Variants in FHOD3 observed in about 807,000 individuals in gnomAD.
FHOD3 encodes FH1/FH2 domain-containing protein 3.
Under a neutral mutation model 173.0 loss-of-function variants are expected in FHOD3, and 90 were observed. That is an observed-to-expected ratio of 0.52 (90% CI 0.44 to 0.62). The LOEUF (loss-of-function observed/expected upper bound fraction) is 0.62. Among genes scored for constraint, FHOD3 ranks in the 20% least tolerant of loss-of-function variants. The pLI is 0.00. For synonymous variants in FHOD3, 828 were observed against 823.0 expected, an observed-to-expected ratio of 1.01 and a Z score of -0.10; for missense variants, 1,945 against 2,034.7, an observed-to-expected ratio of 0.96 and a Z score of 0.85.
chr18:36,448,694 TG>T (rs1346819187), intron 3 of FHOD3, among the ~76,000 whole-genome samples: 1 of 150,266 alleles, frequency 6.7e-6, no homozygotes, highest in Non-Finnish European at 1.5e-5. Flanking sequence ...TGCTTCTTGC[TG>T]GGCCAGTGAG....
At chr18:36,504,163 C>G (rs1478882456) in intron 4 of FHOD3, among the ~76,000 whole-genome samples, 1 of 152,176 alleles carries the variant, frequency 6.6e-6, no homozygotes, top group East Asian at 1.9e-4. Flanking sequence ...TCAGGTGATT[C>G]ACCCACCCAG....
intron 3 of FHOD3, among the ~76,000 whole-genome samples, chr18:36,465,958 T>G (rs2052896354): frequency 6.6e-6 from 1 of 152,176 alleles, no homozygotes; most frequent in African/African-American, 2.4e-5. Flanking sequence ...TTCTAAAGCA[T>G]AAAATTGGAG....
At chr18:36,403,056 T>C (rs2031485866) in intron 3 of FHOD3, among the ~76,000 whole-genome samples, 1 of 152,156 alleles carries the variant, frequency 6.6e-6, no homozygotes. Context: ...GAGGGGGCCA[T>C]GAGGGTGCAG....
intron 3 of FHOD3, among the ~76,000 whole-genome samples, chr18:36,494,303 A>T (rs568154116): frequency 2.0e-5 from 3 of 152,334 alleles, no homozygotes; most frequent in African/African-American, 7.2e-5. Context: ...ATTACAAGCT[A>T]GTTTACAGCA....
At position 36,588,236 on chromosome 18, in the gene FHOD3, G is replaced by A. The variant is rs28517637; in HGVS notation, c.607-6551G>A. On this transcript the variant is annotated intron_variant, in intron 6 of 28. Transcript: ENST00000590592. Reference sequence around the variant, plus strand: ...GATAACCAGTTACGAAGGCTTTAGGGCACACTCTGAGCTGCTTGCTCAGAA... The same window carrying A: ...GATAACCAGTTACGAAGGCTTTAGGACACACTCTGAGCTGCTTGCTCAGAA... 2.8e-3 allele frequency among the ~76,000 whole-genome samples: 420 copies of A among 152,308 alleles called. 3 individuals carry two copies. Among genetic ancestry groups the A allele is most frequent in the African/African-American group, 9.9e-3 (413 of 41,564 alleles).
At chr18:36,351,962 G>C (rs998491891) in intron 1 of FHOD3, among the ~76,000 whole-genome samples, 1 of 152,116 alleles carries the variant, frequency 6.6e-6, no homozygotes, top group Non-Finnish European at 1.5e-5. Flanking sequence ...CCTGGGTAAG[G>C]GTCTGTCAGT....
intron 10 of FHOD3, among the ~76,000 whole-genome samples, chr18:36,634,124 C>T (rs749670842): frequency 1.3e-5 from 2 of 152,154 alleles, no homozygotes; most frequent in Non-Finnish European, 2.9e-5. Context: ...TGGCTCATAA[C>T]TGATGCATAC....
At chr18:36,477,486 CCCATCCAT>C (rs1197297465) in intron 3 of FHOD3, among the ~76,000 whole-genome samples, 24 of 125,634 alleles carry the variant, frequency 1.9e-4, no homozygotes, top group East Asian at 5.0e-4. Flanking sequence ...CACTCACCCA[CCCATCCAT>C]CCATCCATCC....
intron 2 of FHOD3, among the ~76,000 whole-genome samples, chr18:36,368,632 A>G (rs1490921727): frequency 6.6e-6 from 1 of 152,152 alleles, no homozygotes; most frequent in Non-Finnish European, 1.5e-5. Context: ...CCATTTTCAC[A>G]CTGCTATAAA....
intron 4 of FHOD3, among the ~76,000 whole-genome samples, chr18:36,511,755 T>G (rs1376876783): frequency 6.6e-6 from 1 of 152,194 alleles, no homozygotes; most frequent in East Asian, 1.9e-4. Context: ...TGGAGACTTC[T>G]GTCTGAGAAC....
chr18:36,609,891 T>A (rs1221717367), intron 8 of FHOD3, among the ~76,000 whole-genome samples: 1 of 152,194 alleles, frequency 6.6e-6, no homozygotes, highest in Admixed American at 6.5e-5. Context: ...GAGTTACAGG[T>A]ATGAGCCACT....
rs556242281 is a variant in FHOD3, at chr18:36,541,229, G to A, written c.511+28686G>A. 7.4e-5 allele frequency among the ~76,000 whole-genome samples: 9 copies of A among 121,126 alleles called. No homozygotes were observed. The South Asian group carries it at 8.2e-4, about 11-fold the overall frequency. 79.5% of individuals were successfully genotyped at this position (121,126 alleles called of 152,430 possible). ...TCGCACCACTGCACTCCAGCCTAGCGACAGAGCGAGACTCTGTCTCAAAAA... is the reference window on the plus strand; with the variant it reads ...TCGCACCACTGCACTCCAGCCTAGCAACAGAGCGAGACTCTGTCTCAAAAA... On this transcript the variant is annotated intron_variant, in intron 5 of 28. Transcript: ENST00000590592.
At chr18:36,699,935 C>A (rs2039489488) in intron 17 of FHOD3, among the ~76,000 whole-genome samples, 1 of 152,166 alleles carries the variant, frequency 6.6e-6, no homozygotes, top group African/African-American at 2.4e-5. Context: ...GGATCCATCC[C>A]CCTCTGGATG....
Position 36,701,036 on chromosome 18 carries a change from C to T in FHOD3, c.2236+7613C>T, listed in dbSNP as rs561484186. Among the ~76,000 whole-genome samples, 15 of 152,344 alleles carry T rather than the reference C, an allele frequency of 9.8e-5. No homozygotes were observed. In the South Asian group the frequency reaches 1.7e-3, roughly 17 times the overall value. ...ATAAGTTGCTCCTCCCAAGCATCTA[C>T]GTGTGCCTCGGGCAGGGCACGTGCC... On this transcript the variant is annotated intron_variant, in intron 17 of 28. Transcript: ENST00000590592.
At chr18:36,368,499 G>C (rs559116636) in intron 2 of FHOD3, among the ~76,000 whole-genome samples, 52 of 152,282 alleles carry the variant, frequency 3.4e-4, no homozygotes, top group Middle Eastern at 3.4e-3. Flanking sequence ...GGGTCAGACT[G>C]CCTGGGTTGA....
intron 3 of FHOD3, among the ~76,000 whole-genome samples, chr18:36,374,516 A>G (rs187450934): frequency 6.6e-6 from 1 of 152,366 alleles, no homozygotes; most frequent in Admixed American, 6.5e-5. Context: ...AAAGTTCACT[A>G]TTTTGGAAAA....
At chr18:36,664,692 C>T (rs965843925) in intron 14 of FHOD3, among the ~76,000 whole-genome samples, 3 of 151,344 alleles carry the variant, frequency 2.0e-5, no homozygotes, top group African/African-American at 7.3e-5. Context: ...CCATCTTTGC[C>T]ATGGTTTCCA....
chr18:36,645,526 C>T (rs2035620100), intron 10 of FHOD3, among the ~76,000 whole-genome samples: 1 of 152,168 alleles, frequency 6.6e-6, no homozygotes, highest in African/African-American at 2.4e-5. Context: ...GCTAGAGGCA[C>T]CCCGAGTCCA....
At chr18:36,598,905 G>A (rs945298227) in intron 7 of FHOD3, among the ~76,000 whole-genome samples, 6 of 152,146 alleles carry the variant, frequency 3.9e-5, no homozygotes, top group African/African-American at 1.2e-4. Context: ...TTTTGCTCAG[G>A]GCCTGAGATA....
Sources: allele counts gnomAD v4.1 joint callset (sites outside exome capture counted in the v4.1 genomes callset), GRCh38; gene constraint gnomAD v4.1.1; transcripts MANE v1.5; gene names NCBI Gene and HGNC (gene_info 2026-07-23, HGNC 2026-07-21).